The following INPP5E variants were observed in gnomAD, a reference collection of about 807,000 sequenced individuals.
INPP5E encodes phosphatidylinositol polyphosphate 5-phosphatase type IV.
INPP5E carries 34 observed loss-of-function variants against 50.5 expected under a neutral mutation model. The observed-to-expected ratio is 0.67, with a 90% confidence interval of 0.51 to 0.90. The LOEUF (loss-of-function observed/expected upper bound fraction) is 0.90. Ranked by LOEUF, INPP5E falls within the 40% of genes least tolerant of loss-of-function variation. The pLI, the probability that INPP5E is intolerant of heterozygous loss-of-function variation, is 0.00. For synonymous variants in INPP5E, 447 were observed against 406.0 expected, an observed-to-expected ratio of 1.10 and a Z score of -1.21; for missense variants, 942 against 905.5, an observed-to-expected ratio of 1.04 and a Z score of -0.52.
rs373176644 is a variant in INPP5E, at chr9:136,434,871, G to A, written c.813-8C>T. ...CTGCCCTCCAGGTAACTCCTGTGAC[G>A]GGAGGACCCCAAGCTCAGGGCCAGG... On this transcript the variant is annotated splice_polypyrimidine_tract_variant and splice_region_variant and intron_variant, in intron 1 of 9. Transcript: ENST00000371712. 1,123 of 1,603,156 alleles carry A rather than the reference G, an allele frequency of 7.0e-4. 2 individuals carry two copies. The highest frequency in any genetic ancestry group is 6.5e-4 in the Non-Finnish European group (768 of 1,175,728).
chr9:136,439,043 T>A lies in INPP5E; in HGVS notation c.377A>T (p.His126Leu). 2.5e-6 allele frequency: 4 copies of A among 1,576,500 alleles called. No homozygotes were observed. The highest frequency in any genetic ancestry group is 3.4e-6 in the Non-Finnish European group (4 of 1,161,738). Residue 126 changes from histidine to leucine, a missense_variant, in exon 1 of 10, where the codon CAC (histidine) becomes CTC (leucine). Transcript: ENST00000371712. ...VQSEGPGAPA[H>L]SCSPPCLSTS... Reference sequence around the variant, plus strand: ...GCTCAGGCAGGGCGGGGAGCAGCTGTGGGCGGGGGCCCCGGGGCCCTCGCT... The same window carrying A: ...GCTCAGGCAGGGCGGGGAGCAGCTGAGGGCGGGGGCCCCGGGGCCCTCGCT...
At chr9:136,430,032 G>T (rs148865848) in intron 9 of INPP5E, among the ~76,000 whole-genome samples, 7 of 151,532 alleles carry the variant, frequency 4.6e-5, no homozygotes, top group African/African-American at 1.7e-4. Flanking sequence ...AGTGCTTAAG[G>T]CCTTCGTCCC....
At position 136,434,762 on chromosome 9, in the gene INPP5E, G is replaced by C; in HGVS notation, c.914C>G (p.Thr305Ser). ...CACCTTCTGGCCCTGCATGTTCCAG[G>C]TGGCCACGAAGAGTGCCACGTTCCG... ...PDRNVALFVA[T>S]WNMQGQKELP... The change falls in exon 2 of 10, where the codon ACC becomes AGC. Residue 305 changes from threonine to serine, a missense_variant. Physicochemically the swap from Thr to Ser is moderately conservative, Grantham distance 58. Coordinates refer to ENST00000371712, the MANE Select transcript of INPP5E (RefSeq NM_019892.6). 6.2e-7 allele frequency: 1 copy of C among 1,611,698 alleles called. No individual in the cohort carries two copies. Among genetic ancestry groups the C allele is most frequent in the Non-Finnish European group, 8.5e-7 (1 of 1,179,698 alleles).
Position 136,438,658 on chromosome 9 carries a change from T to C in INPP5E, c.762A>G (p.Lys254=). ...TGGGCGCCAGGAGGCTGAAGGAGGATTTGGCCGAGCGAAGGGAACAGTCGT... is the reference window on the plus strand; with the variant it reads ...TGGGCGCCAGGAGGCTGAAGGAGGACTTGGCCGAGCGAAGGGAACAGTCGT... The part of the protein sequence containing the change: ...ACDDCSLRSA[K]SSFSLLAPIR... Residue 254 remains lysine, a synonymous_variant, in exon 1 of 10, where the codon AAA becomes AAG. Transcript: ENST00000371712. 1 of 1,585,550 alleles carries C rather than the reference T, an allele frequency of 6.3e-7. No individual in the cohort carries two copies. The highest frequency in any genetic ancestry group is 8.6e-7 in the Non-Finnish European group (1 of 1,166,500).
In INPP5E at chr9:136,433,147, G is replaced by A. The variant is rs73566945; in HGVS notation, c.1159+8C>T. ...TCCAGCCGCGCCCACCCCTCCAGCC[G>A]CGCCCACCTGAGCAGAACCAGATGA... On this transcript the variant is annotated splice_region_variant and intron_variant, in intron 4 of 9. Coordinates refer to ENST00000371712, the MANE Select transcript of INPP5E (RefSeq NM_019892.6). The A allele has an allele frequency of 1.4e-3, 2,307 of 1,599,200 alleles. 7 individuals are homozygous for A. Among genetic ancestry groups the A allele is most frequent in the African/African-American group, 4.7e-3 (340 of 72,288 alleles).
At position 136,439,061 on chromosome 9, in the gene INPP5E, C is replaced by T; in HGVS notation, c.359G>A (p.Gly120Asp). ...SPSRGSVQSE[G>D]PGAPAHSCSP... is the part of the protein sequence containing the mutation. Reference sequence around the variant, plus strand: ...GCAGCTGTGGGCGGGGGCCCCGGGGCCCTCGCTCTGCACTGAGCCCCTGGA... The same window carrying T: ...GCAGCTGTGGGCGGGGGCCCCGGGGTCCTCGCTCTGCACTGAGCCCCTGGA... The change falls in exon 1 of 10, where the codon GGC becomes GAC. Residue 120 changes from glycine to aspartate, a missense_variant. Coordinates refer to ENST00000371712, the MANE Select transcript of INPP5E (RefSeq NM_019892.6). 1 of 1,567,344 alleles carries T rather than the reference C, an allele frequency of 6.4e-7. No individual in the cohort carries two copies. The highest frequency in any genetic ancestry group is 8.6e-7 in the Non-Finnish European group (1 of 1,157,056).
chr9:136,434,709 T>TACCC, intron 2 of INPP5E, 31 bp downstream of exon 2: 3 of 1,576,264 alleles, frequency 1.9e-6, no homozygotes, highest in Non-Finnish European at 2.6e-6. Flanking sequence ...ACCCCACCCT[T>TACCC]CCCCGCCCAG....
intron 5 of INPP5E, among the ~76,000 whole-genome samples, 160 bp downstream of exon 5, chr9:136,432,795 CG>C (rs751167849): frequency 1.5e-4 from 23 of 152,188 alleles, no homozygotes; most frequent in Non-Finnish European, 2.4e-4. Context: ...CGGGGTCTGC[CG>C]GGGGTCCTTG....
chr9:136,429,830 A>T (rs957713025), intron 9 of INPP5E, 23 bp from the exon 10 acceptor site: 14 of 1,593,694 alleles, frequency 8.8e-6, no homozygotes, highest in Non-Finnish European at 1.1e-5. Context: ...AGGGGGCGTT[A>T]GGAGGGCACC....
At position 136,438,638 on chromosome 9, in the gene INPP5E, G is replaced by A. The variant is rs528585360; in HGVS notation, c.782C>T (p.Ala261Val). 18 of 1,573,138 alleles carry A rather than the reference G, an allele frequency of 1.1e-5. No homozygotes were observed. The South Asian group carries it at 1.6e-4, about 14-fold the overall frequency. ...GCGGACGTCCTTGCTGCGGATGGGCGCCAGGAGGCTGAAGGAGGATTTGGC... is the reference window on the plus strand; with the variant it reads ...GCGGACGTCCTTGCTGCGGATGGGCACCAGGAGGCTGAAGGAGGATTTGGC... ...RSAKSSFSLL[A>V]PIRSKDVRSR... The change falls in exon 1 of 10, where the codon GCG becomes GTG. Residue 261 changes from alanine (A) to valine (V), a missense_variant. Transcript: ENST00000371712.
intron 6 of INPP5E, 97 bp from the exon 7 acceptor site, chr9:136,432,082 G>A: frequency 1.3e-6 from 2 of 1,500,212 alleles, no homozygotes. Flanking sequence ...CAGGGGAAGT[G>A]GGTCTTGGGC....
rs1216040419 is a variant in INPP5E, at chr9:136,430,423, G to A, written c.1666-10C>T. 1.3e-6 allele frequency: 2 copies of A among 1,554,274 alleles called. No individual in the cohort carries two copies. The highest frequency in any genetic ancestry group is 1.4e-5 in the African/African-American group (1 of 73,540). ...TGTACAAGACGCGGTCCTTTGGGAAGATTGCAGAGGCAGGAGGTCCAGTTA... is the reference window on the plus strand; with the variant it reads ...TGTACAAGACGCGGTCCTTTGGGAAAATTGCAGAGGCAGGAGGTCCAGTTA... On this transcript the variant is annotated splice_polypyrimidine_tract_variant and intron_variant, in intron 8 of 9. Transcript: ENST00000371712.
At chr9:136,437,264 A>G (rs567645977) in intron 1 of INPP5E, 2 of 152,394 alleles carry the variant, frequency 1.3e-5, no homozygotes, top group South Asian at 2.1e-4. Flanking sequence ...AGTGATCCCC[A>G]AAGCCATGTC....
rs1347178319 is a variant in INPP5E at position 136,429,276 on chromosome 9, T to A, written c.*399A>T. 5 of 325,244 alleles carry A rather than the reference T, an allele frequency of 1.5e-5. No individual in the cohort carries two copies. The highest frequency in any genetic ancestry group is 8.0e-5 in the Admixed American group (2 of 24,892). 20.1% of individuals were successfully genotyped at this position (325,244 alleles called of 1,614,324 possible). A position where few individuals can be genotyped will look rare whatever the true frequency, so the allele number is the denominator to read the frequency against. On this transcript the variant is annotated 3_prime_UTR_variant, in exon 10 of 10. Coordinates refer to ENST00000371712, the MANE Select transcript of INPP5E (RefSeq NM_019892.6). The stretch of plus-strand genomic sequence containing the variant: ...AGGAGGACACAGATGGACGCCTGCT[T>A]CGGGTGTGGAGGGAGAGGCTGGTGC...
intron 1 of INPP5E, chr9:136,436,945 C>T (rs945170419): frequency 5.3e-5 from 8 of 152,242 alleles, no homozygotes; most frequent in African/African-American, 1.7e-4. Flanking sequence ...CTTGAGGGTC[C>T]AAATTTGAGA....
intron 3 of INPP5E, 108 bp from the exon 4 acceptor site, chr9:136,433,387 C>T: frequency 6.9e-7 from 1 of 1,446,094 alleles, no homozygotes; most frequent in African/African-American, 1.4e-5. Context: ...AACCCCACGA[C>T]CTGGCCTTGG....
Position 136,439,085 on chromosome 9 carries a change from G to A in INPP5E, c.335C>T (p.Ser112Phe), listed in dbSNP as rs1295932398. 1.3e-6 allele frequency: 2 copies of A among 1,575,192 alleles called. No homozygotes were observed. Among genetic ancestry groups the A allele is most frequent in the Non-Finnish European group, 1.7e-6 (2 of 1,161,574 alleles). The stretch of plus-strand genomic sequence containing the variant: ...GCCCTCGCTCTGCACTGAGCCCCTG[G>A]AGGGACTGGTCCCATTCCGGGCTTC... Reference protein sequence around the residue: ...DLEARNGTSPSRGSVQSEGPG... With the variant: ...DLEARNGTSPFRGSVQSEGPG... The change falls in exon 1 of 10, where the codon TCC becomes TTC. Residue 112 changes from serine (S) to phenylalanine (F), a missense_variant. Ser to Phe is a radical substitution (Grantham distance 155). Transcript: ENST00000371712.
rs756021340 is a variant in INPP5E, at chr9:136,431,981, G to A, written c.1392C>T (p.Asp464=). The change falls in exon 7 of 10, where the codon GAC becomes GAT. Residue 464 remains aspartate (D), a synonymous_variant. Coordinates refer to ENST00000371712, the MANE Select transcript of INPP5E (RefSeq NM_019892.6). ...DTNPYRSSAA[D]VTTRFDEVFW... ...ACACCTCATCGAAGCGGGTGGTGAC[G>A]TCCGCTGCGGCACAGTGGGCCATGT... is the stretch of plus-strand genomic sequence containing the variant. The A allele has an allele frequency of 1.7e-5, 28 of 1,612,476 alleles. No homozygotes were observed. Among genetic ancestry groups the A allele is most frequent in the East Asian group, 1.3e-4 (6 of 44,822 alleles).
chr9:136,430,895 A>AGTCCAGGCC (rs1835683032), intron 8 of INPP5E, 107 bp downstream of exon 8: 8 of 811,914 alleles, frequency 9.9e-6, no homozygotes, highest in Non-Finnish European at 1.5e-5. Flanking sequence ...CTGAGTTTCA[A>AGTCCAGGCC]GTCCAGGCCG....
Sources: gnomAD v4.1 joint callset for allele counts (sites outside exome capture counted in the v4.1 genomes callset) on GRCh38, gnomAD v4.1.1 for gene constraint, MANE v1.5 for transcripts, NCBI Gene and HGNC (gene_info 2026-07-23, HGNC 2026-07-21) for gene names.